The following ATP6V0E1 variants were observed in gnomAD, a reference collection of about 807,000 sequenced individuals.
ATP6V0E1 encodes the protein ATPase H+ transporting V0 subunit e1, also known as V-type proton ATPase subunit e 1.
A neutral mutation model predicts 11.6 loss-of-function variants in ATP6V0E1; 4 were observed. That is an observed-to-expected ratio of 0.35 (90% CI 0.17 to 0.79). The LOEUF (loss-of-function observed/expected upper bound fraction) is 0.79. ATP6V0E1 is among the 30% of genes least tolerant of loss of function. The pLI is 0.54. For missense variants in ATP6V0E1, 105 were observed against 100.0 expected (o/e 1.05, Z -0.21); for synonymous variants, 36 against 34.8 (o/e 1.04, Z -0.13).
chr5:173,017,553 C>T (rs1247536283), intron 2 of ATP6V0E1, among the ~76,000 whole-genome samples: 2 of 116,494 alleles, frequency 1.7e-5, no homozygotes, highest in East Asian at 2.7e-4. Flanking sequence ...AAAAAAAAAG[C>T]GATTCCTGGC....
At chr5:173,006,233 C>T (rs1756228493) in intron 2 of ATP6V0E1, among the ~76,000 whole-genome samples, 1 of 152,080 alleles carries the variant, frequency 6.6e-6, no homozygotes, top group Non-Finnish European at 1.5e-5. Context: ...CCTTTCTTTC[C>T]TCTTGAATTC....
At chr5:173,019,375 G>A (rs1004436151) in intron 2 of ATP6V0E1, among the ~76,000 whole-genome samples, 2 of 152,074 alleles carry the variant, frequency 1.3e-5, no homozygotes, top group Non-Finnish European at 2.9e-5. Flanking sequence ...CTAACACGGT[G>A]AAAACCCATC....
At chr5:173,008,132 C>A (rs1756257309) in intron 2 of ATP6V0E1, among the ~76,000 whole-genome samples, 1 of 152,174 alleles carries the variant, frequency 6.6e-6, no homozygotes, top group African/African-American at 2.4e-5. Flanking sequence ...ACAGCGTGCT[C>A]ACTTTACAGG....
At chr5:173,002,224 G>A (rs1403158687) in intron 2 of ATP6V0E1, among the ~76,000 whole-genome samples, 1 of 152,084 alleles carries the variant, frequency 6.6e-6, no homozygotes, top group Non-Finnish European at 1.5e-5. Flanking sequence ...ATACCATTAT[G>A]CACAAAAAAC....
intron 2 of ATP6V0E1, among the ~76,000 whole-genome samples, chr5:173,004,384 A>T (rs1024344981): frequency 2.0e-5 from 3 of 152,172 alleles, no homozygotes; most frequent in Non-Finnish European, 4.4e-5. Flanking sequence ...AAACATAAGC[A>T]GTCTTCTCTG....
chr5:172,993,686 C>CG (rs1052943925), intron 1 of ATP6V0E1, among the ~76,000 whole-genome samples: 7 of 125,298 alleles, frequency 5.6e-5, no homozygotes, highest in South Asian at 7.1e-4. Flanking sequence ...GAGACCCCCC[C>CG]CCCCGACCCC....
At chr5:173,014,115 C>G (rs1022645756) in intron 2 of ATP6V0E1, among the ~76,000 whole-genome samples, 1 of 145,392 alleles carries the variant, frequency 6.9e-6, no homozygotes, top group South Asian at 2.2e-4. Flanking sequence ...GAGCCAAGAT[C>G]GTGCCACTGC....
At chr5:172,993,447 A>C (rs1352905325) in intron 1 of ATP6V0E1, among the ~76,000 whole-genome samples, 2 of 152,082 alleles carry the variant, frequency 1.3e-5, no homozygotes. Context: ...CGGAGTTTGC[A>C]ATGAGCCAAG....
chr5:173,006,537 G>T (rs1467048226), intron 2 of ATP6V0E1, among the ~76,000 whole-genome samples: 1 of 152,094 alleles, frequency 6.6e-6, no homozygotes, highest in Non-Finnish European at 1.5e-5. Context: ...GTGAACCCGG[G>T]AGGCGGAGGT....
At chr5:173,014,518 C>T (rs1357921808) in intron 2 of ATP6V0E1, among the ~76,000 whole-genome samples, 1 of 152,046 alleles carries the variant, frequency 6.6e-6, no homozygotes, top group Non-Finnish European at 1.5e-5. Flanking sequence ...TATATGTACA[C>T]TACGGAATAG....
chr5:172,992,123 TC>T (rs1293578518), intron 1 of ATP6V0E1, among the ~76,000 whole-genome samples: 2 of 152,110 alleles, frequency 1.3e-5, no homozygotes, highest in East Asian at 3.9e-4. Context: ...CGATCTCGGC[TC>T]ACTGCAAGCT....
intron 3 of ATP6V0E1, among the ~76,000 whole-genome samples, chr5:173,034,165 A>G (rs972871041): frequency 2.6e-5 from 4 of 152,218 alleles, no homozygotes; most frequent in Non-Finnish European, 4.4e-5. Context: ...GCTTTCTGTA[A>G]CATAGAGTGT....
intron 3 of ATP6V0E1, among the ~76,000 whole-genome samples, chr5:173,022,758 G>T (rs563641135): frequency 1.3e-5 from 2 of 152,072 alleles, no homozygotes; most frequent in Non-Finnish European, 2.9e-5. Flanking sequence ...TCAGCCTCCT[G>T]AGTAGCTGGG....
chr5:172,993,686 C>CCCCCA (rs1554118443), intron 1 of ATP6V0E1, among the ~76,000 whole-genome samples: 7 of 125,172 alleles, frequency 5.6e-5, no homozygotes, highest in African/African-American at 2.2e-4. Flanking sequence ...GAGACCCCCC[C>CCCCCA]CCCCGACCCC....
intron 2 of ATP6V0E1, among the ~76,000 whole-genome samples, chr5:172,997,535 C>T (rs375015836): frequency 1.3e-5 from 2 of 152,148 alleles, no homozygotes; most frequent in African/African-American, 2.4e-5. Flanking sequence ...AGGGGCAAGG[C>T]GTGGTGGCTC....
At chr5:173,020,820 G>A (rs764696391) in intron 3 of ATP6V0E1, 3 of 519,654 alleles carry the variant, frequency 5.8e-6, no homozygotes, top group Admixed American at 1.9e-5. Context: ...GGTTGCCTGC[G>A]CCACTGTTCT....
At chr5:172,985,230 G>A (rs1354727540) in intron 1 of ATP6V0E1, among the ~76,000 whole-genome samples, 2 of 142,478 alleles carry the variant, frequency 1.4e-5, no homozygotes, top group Admixed American at 1.5e-4. Flanking sequence ...GGGCGACAGA[G>A]CGAGACTCCG....
intron 2 of ATP6V0E1, among the ~76,000 whole-genome samples, chr5:172,997,683 G>A (rs1233357757): frequency 6.6e-6 from 1 of 152,042 alleles, no homozygotes; most frequent in Non-Finnish European, 1.5e-5. Flanking sequence ...CGTGGTGGTG[G>A]GTGCCTGTAG....
intron 2 of ATP6V0E1, among the ~76,000 whole-genome samples, chr5:173,000,568 G>C (rs371377755): frequency 1.3e-5 from 2 of 152,218 alleles, no homozygotes; most frequent in East Asian, 3.9e-4. Flanking sequence ...AGAATCACGA[G>C]ACCTAGGTTC....
Sources: allele counts gnomAD v4.1 joint callset (sites outside exome capture counted in the v4.1 genomes callset), GRCh38; gene constraint gnomAD v4.1.1; transcripts MANE v1.5; gene names NCBI Gene and HGNC (gene_info 2026-07-23, HGNC 2026-07-21).